The following ANXA6 variants were observed in gnomAD, a reference collection of about 807,000 sequenced individuals.
ANXA6 encodes 67 kDa calelectrin.
ANXA6 carries 71 observed loss-of-function variants against 95.4 expected under a neutral mutation model. That is an observed-to-expected ratio of 0.74 (90% CI 0.61 to 0.91). The LOEUF is 0.91. Among genes scored for constraint, ANXA6 ranks in the 40% least tolerant of loss-of-function variants. The pLI is 0.00. For missense variants in ANXA6, 830 were observed against 876.4 expected, an observed-to-expected ratio of 0.95 and a Z score of 0.67; for synonymous variants, 289 against 315.9, an observed-to-expected ratio of 0.91 and a Z score of 0.90.
intron 13 of ANXA6, among the ~76,000 whole-genome samples, chr5:151,127,874 A>ATAC (rs1561576328): frequency 2.6e-5 from 4 of 151,968 alleles, no homozygotes; most frequent in Admixed American, 2.0e-4. Flanking sequence ...ATGGCTATGA[A>ATAC]ATAGCAGGGA....
intron 1 of ANXA6, among the ~76,000 whole-genome samples, chr5:151,154,459 C>G (rs146331762): frequency 6.6e-6 from 1 of 152,198 alleles, no homozygotes; most frequent in East Asian, 1.9e-4. Context: ...TCCTGTACCC[C>G]CAAAAGATCA....
At chr5:151,128,303 G>C (rs775831601) in intron 12 of ANXA6, 64 bp from the exon 13 acceptor site, 9 of 1,410,254 alleles carry the variant, frequency 6.4e-6, no homozygotes, top group Non-Finnish European at 8.8e-6. Context: ...ACAAGGAGGT[G>C]AAGGTTCTGC....
intron 7 of ANXA6, among the ~76,000 whole-genome samples, chr5:151,135,257 G>A (rs3811990): frequency 0.3 from 44,953 of 151,910 alleles, 7,004 homozygotes; most frequent in African/African-American, 0.38. Context: ...TGTGTGCCGC[G>A]CTGCTGCTTG....
intron 5 of ANXA6, among the ~76,000 whole-genome samples, chr5:151,137,655 A>T (rs1285143147): frequency 6.6e-6 from 1 of 152,088 alleles, no homozygotes; most frequent in Non-Finnish European, 1.5e-5. Context: ...TTCTTGTGAG[A>T]TCTGGTTGTT....
intron 1 of ANXA6, among the ~76,000 whole-genome samples, chr5:151,152,449 T>G (rs1766131142): frequency 6.6e-6 from 1 of 152,208 alleles, no homozygotes; most frequent in Non-Finnish European, 1.5e-5. Context: ...TTATGGAATT[T>G]CTCTGCCTCA....
In ANXA6 at chr5:151,103,697, T is replaced by G; in HGVS notation, c.1840-5A>C. 1 of 1,607,244 alleles carries G rather than the reference T, an allele frequency of 6.2e-7. No individual in the cohort carries two copies. Among genetic ancestry groups the G allele is most frequent in the South Asian group, 1.1e-5 (1 of 89,652 alleles). On this transcript the variant is annotated splice_region_variant and splice_polypyrimidine_tract_variant and intron_variant, in intron 24 of 25. Transcript: ENST00000354546. Reference sequence around the variant, plus strand: ...CTTCTCATCTGTGCCAGCACCCTGGTGGAGCCAGGCAGGAGGGAGACACAG... The same window carrying G: ...CTTCTCATCTGTGCCAGCACCCTGGGGGAGCCAGGCAGGAGGGAGACACAG...
At chr5:151,145,585 A>G (rs998270782) in intron 2 of ANXA6, among the ~76,000 whole-genome samples, 9 of 152,114 alleles carry the variant, frequency 5.9e-5, no homozygotes, top group African/African-American at 2.2e-4. Flanking sequence ...TAGGCCAGAG[A>G]AGACGGAGCA....
chr5:151,156,253 A>T (rs941551699), intron 1 of ANXA6, among the ~76,000 whole-genome samples: 11 of 152,182 alleles, frequency 7.2e-5, no homozygotes, highest in Non-Finnish European at 4.4e-5. Context: ...GTTGAATCCT[A>T]GAATGTCTGC....
intron 21 of ANXA6, 65 bp downstream of exon 21, chr5:151,110,562 C>A (rs191943509): frequency 6.6e-5 from 104 of 1,569,640 alleles, no homozygotes; most frequent in Non-Finnish European, 8.9e-5. Flanking sequence ...CTGCCCCGCT[C>A]GGCCCAGTAA....
intron 12 of ANXA6, 109 bp from the exon 13 acceptor site, chr5:151,128,348 T>C (rs1765388447): frequency 3.2e-6 from 3 of 925,890 alleles, no homozygotes; most frequent in Non-Finnish European, 5.1e-6. Context: ...AATGAACACT[T>C]ATTCATAGCA....
intron 10 of ANXA6, among the ~76,000 whole-genome samples, chr5:151,131,882 C>A (rs1336563496): frequency 2.0e-5 from 3 of 152,116 alleles, no homozygotes; most frequent in African/African-American, 7.2e-5. Context: ...GCCCCCACAC[C>A]CTGCACCCCA....
intron 2 of ANXA6, among the ~76,000 whole-genome samples, chr5:151,145,838 G>A (rs1386982479): frequency 1.3e-5 from 2 of 152,032 alleles, no homozygotes; most frequent in South Asian, 2.1e-4. Context: ...CCCTGAGCAC[G>A]CTGCATTTGC....
At chr5:151,123,946 C>T (rs956195084) in intron 15 of ANXA6, among the ~76,000 whole-genome samples, 3 of 152,156 alleles carry the variant, frequency 2.0e-5, no homozygotes, top group Admixed American at 6.5e-5. Context: ...CCCAGAGTGG[C>T]GGAGAGGCTC....
Position 151,101,412 on chromosome 5 carries a change from C to A in ANXA6, c.*36G>T, listed in dbSNP as rs752968868. 11 of 1,544,750 alleles carry A rather than the reference C, an allele frequency of 7.1e-6. No homozygotes were observed. Among genetic ancestry groups the A allele is most frequent in the Non-Finnish European group, 9.6e-6 (11 of 1,141,678 alleles). Reference sequence around the variant, plus strand: ...GGCCATGGCGGCTGGTGCTGATAACCATTTCTTGGCAGAAGTGCCCGCCAA... The same window carrying A: ...GGCCATGGCGGCTGGTGCTGATAACAATTTCTTGGCAGAAGTGCCCGCCAA... On this transcript the variant is annotated 3_prime_UTR_variant, in exon 26 of 26. Transcript: ENST00000354546.
chr5:151,157,588 AGCCGATGACTGG>A (rs1215940228), intron 1 of ANXA6, 80 bp downstream of exon 1: 1 of 152,760 alleles, frequency 6.5e-6, no homozygotes, highest in Non-Finnish European at 1.5e-5. Flanking sequence ...GGTACCCATC[AGCCGATGACTGG>A]GCGCTTATTT....
intron 18 of ANXA6, among the ~76,000 whole-genome samples, chr5:151,118,916 T>C (rs544561745): frequency 1.3e-5 from 2 of 152,300 alleles, no homozygotes; most frequent in Admixed American, 1.3e-4. Flanking sequence ...AATGAAAATA[T>C]GGGGCCACTC....
intron 8 of ANXA6, among the ~76,000 whole-genome samples, chr5:151,133,617 G>C (rs996187727): frequency 2.6e-5 from 4 of 152,194 alleles, no homozygotes; most frequent in African/African-American, 9.7e-5. Context: ...TATAGGACTA[G>C]CATCACATAT....
Position 151,106,725 on chromosome 5 carries a change from CTT to C in ANXA6, c.1781-1424_1781-1423del, listed in dbSNP as rs573075843. ...AGTCATGACATCACCTCCAGGAAGC[CTT>C]CCCTGACTTCAGACCTAGGGCTTTA... On this transcript the variant is annotated intron_variant, in intron 23 of 25. Coordinates refer to ENST00000354546, the MANE Select transcript of ANXA6 (RefSeq NM_001155.5). Among the ~76,000 whole-genome samples, 503 of 152,294 alleles carry C rather than the reference CTT, an allele frequency of 3.3e-3. 3 individuals are homozygous for C. The highest frequency in any genetic ancestry group is 0.011 in the African/African-American group (478 of 41,566).
At chr5:151,123,125 G>A in intron 15 of ANXA6, 114 bp from the exon 16 acceptor site, 1 of 889,574 alleles carries the variant, frequency 1.1e-6, no homozygotes, top group Non-Finnish European at 1.8e-6. Context: ...GCCTGGCTAA[G>A]CGGCCATGTG....
Sources: gnomAD v4.1 joint callset for allele counts (sites outside exome capture counted in the v4.1 genomes callset) on GRCh38, gnomAD v4.1.1 for gene constraint, MANE v1.5 for transcripts, NCBI Gene and HGNC (gene_info 2026-07-23, HGNC 2026-07-21) for gene names.